Variants in DEPTOR observed in about 807,000 individuals in gnomAD.
DEPTOR encodes DEP domain containing MTOR interacting protein.
In DEPTOR, 41 loss-of-function variants were observed where a neutral mutation model predicts 41.6. That is an observed-to-expected ratio of 0.98 (90% CI 0.77 to 1.28). The LOEUF (loss-of-function observed/expected upper bound fraction) is 1.28, where lower values mean the gene tolerates loss of function less well. Ranked by LOEUF, DEPTOR falls within the 50% of genes most tolerant of loss-of-function variation. The pLI is 0.00. For synonymous variants in DEPTOR, 195 were observed against 192.3 expected (o/e 1.01, Z -0.12); for missense variants, 514 against 527.9 (o/e 0.97, Z 0.26).
At chr8:119,983,277 G>A (rs1467641179) in intron 4 of DEPTOR, among the ~76,000 whole-genome samples, 2 of 151,132 alleles carry the variant, frequency 1.3e-5, no homozygotes, top group African/African-American at 4.9e-5. Context: ...TTGAGATGGA[G>A]TCTTTCTGTG....
At chr8:119,896,712 G>A (rs1827524806) in intron 1 of DEPTOR, among the ~76,000 whole-genome samples, 1 of 152,028 alleles carries the variant, frequency 6.6e-6, no homozygotes, top group Admixed American at 6.6e-5. Flanking sequence ...TGGCCAGGCT[G>A]GTCTCAAACT....
At chr8:119,878,326 T>G (rs372484726) in intron 1 of DEPTOR, among the ~76,000 whole-genome samples, 2,762 of 150,964 alleles carry the variant, frequency 0.018, 86 homozygotes, top group African/African-American at 0.062. Context: ...CTGACACTTT[T>G]TTTTTTTTTT....
intron 3 of DEPTOR, among the ~76,000 whole-genome samples, chr8:119,953,801 C>CTTTTTTTTTTTT (rs35043841): frequency 3.3e-5 from 4 of 119,678 alleles, no homozygotes; most frequent in Non-Finnish European, 5.1e-5. Flanking sequence ...CAGATAGCTT[C>CTTTTTTTTTTTT]TTTTTTTTTT....
At chr8:119,952,731 A>G (rs113216471) in intron 3 of DEPTOR, among the ~76,000 whole-genome samples, 4 of 152,308 alleles carry the variant, frequency 2.6e-5, no homozygotes, top group African/African-American at 9.6e-5. Flanking sequence ...AGCTTCATCC[A>G]TGTCCCTGCA....
At chr8:119,923,835 C>T (rs145649063) in intron 1 of DEPTOR, among the ~76,000 whole-genome samples, 201 of 150,294 alleles carry the variant, frequency 1.3e-3, no homozygotes, top group African/African-American at 4.6e-3. Flanking sequence ...TTCTTCTTAT[C>T]TACTGAATGC....
At chr8:119,917,692 C>T (rs1827831719) in intron 1 of DEPTOR, among the ~76,000 whole-genome samples, 1 of 152,170 alleles carries the variant, frequency 6.6e-6, no homozygotes, top group Non-Finnish European at 1.5e-5. Context: ...AAGACCTGAC[C>T]TTTCCCCAGC....
intron 1 of DEPTOR, among the ~76,000 whole-genome samples, chr8:119,889,673 G>GGGGAGGGGAGGGGAA (rs1827426263): frequency 9.0e-6 from 1 of 111,112 alleles, no homozygotes; most frequent in Admixed American, 9.5e-5. Context: ...GGGGAGGGGA[G>GGGGAGGGGAGGGGAA]AGGAGGGGAG....
At chr8:119,933,151 C>A (rs1042075512) in intron 3 of DEPTOR, among the ~76,000 whole-genome samples, 2 of 152,082 alleles carry the variant, frequency 1.3e-5, no homozygotes, top group African/African-American at 4.8e-5. Context: ...GCCGCTCTCA[C>A]CCCTTTCCCT....
intron 1 of DEPTOR, among the ~76,000 whole-genome samples, chr8:119,922,969 G>T (rs1827915313): frequency 6.6e-6 from 1 of 152,108 alleles, no homozygotes; most frequent in South Asian, 2.1e-4. Context: ...GGAAGAGTTG[G>T]TGGGTCTGCA....
chr8:119,972,121 G>T (rs186758338), intron 4 of DEPTOR, among the ~76,000 whole-genome samples: 1 of 152,298 alleles, frequency 6.6e-6, no homozygotes, highest in African/African-American at 2.4e-5. Context: ...TTAAGTGATT[G>T]CACTTGGCAA....
rs763918963 is a variant in DEPTOR at position 119,975,135 on chromosome 8, TA to T, written c.604+9740del. On this transcript the variant is annotated intron_variant, in intron 4 of 8. Coordinates refer to ENST00000286234, the MANE Select transcript of DEPTOR (RefSeq NM_022783.4). ...GGGCAACATAGCAAAATCCCATCTCTAAAAAAAAAAAAAAATTTTTTTAAAA... is the reference window on the plus strand; with the variant it reads ...GGGCAACATAGCAAAATCCCATCTCTAAAAAAAAAAAAAATTTTTTTAAAA... Among the ~76,000 whole-genome samples the T allele has an allele frequency of 3.8e-3, 532 of 138,678 alleles. 2 individuals are homozygous for T. Among genetic ancestry groups the T allele is most frequent in the Admixed American group, 0.011 (153 of 13,706 alleles). 91.0% of individuals were successfully genotyped at this position (138,678 alleles called of 152,430 possible).
chr8:120,000,976 C>T (rs1812339050), intron 4 of DEPTOR, among the ~76,000 whole-genome samples: 1 of 151,770 alleles, frequency 6.6e-6, no homozygotes, highest in Non-Finnish European at 1.5e-5. Context: ...ACTCGGGAGG[C>T]TGAGACAGGA....
intron 8 of DEPTOR, among the ~76,000 whole-genome samples, chr8:120,020,740 A>G (rs192339919): frequency 6.6e-6 from 1 of 152,196 alleles, no homozygotes; most frequent in African/African-American, 2.4e-5. Context: ...ACTTAAACTA[A>G]TCTAAGCCTC....
At chr8:119,991,460 C>T (rs567794037) in intron 4 of DEPTOR, among the ~76,000 whole-genome samples, 88 of 152,150 alleles carry the variant, frequency 5.8e-4, no homozygotes, top group African/African-American at 2.1e-3. Flanking sequence ...GGATTACAGG[C>T]GTGTGCCACC....
intron 8 of DEPTOR, among the ~76,000 whole-genome samples, chr8:120,019,125 C>T (rs938242310): frequency 2.0e-5 from 3 of 151,908 alleles, no homozygotes; most frequent in African/African-American, 7.3e-5. Flanking sequence ...GCCAACATGG[C>T]GAAACCCCGT....
At chr8:120,021,154 G>C (rs568443425) in intron 8 of DEPTOR, among the ~76,000 whole-genome samples, 104 of 151,588 alleles carry the variant, frequency 6.9e-4, no homozygotes, top group African/African-American at 2.4e-3. Context: ...CATAATCCTA[G>C]CACTTTGGGA....
At chr8:119,969,089 C>T (rs1828599988) in intron 4 of DEPTOR, among the ~76,000 whole-genome samples, 1 of 148,658 alleles carries the variant, frequency 6.7e-6, no homozygotes, top group Admixed American at 6.7e-5. Flanking sequence ...AGCAAGACTC[C>T]ATCTCAAAAA....
At chr8:119,910,491 C>G (rs941796992) in intron 1 of DEPTOR, among the ~76,000 whole-genome samples, 1 of 151,844 alleles carries the variant, frequency 6.6e-6, no homozygotes, top group Non-Finnish European at 1.5e-5. Context: ...CCCGCTCTGT[C>G]CCCCAGGCTG....
At chr8:119,892,846 G>T (rs569730738) in intron 1 of DEPTOR, among the ~76,000 whole-genome samples, 1 of 151,178 alleles carries the variant, frequency 6.6e-6, no homozygotes, top group Non-Finnish European at 1.5e-5. Flanking sequence ...GCAGTGGCAC[G>T]ATCTTGGCTC....
Sources: gnomAD v4.1 joint callset for allele counts (sites outside exome capture counted in the v4.1 genomes callset) on GRCh38, gnomAD v4.1.1 for gene constraint, MANE v1.5 for transcripts, NCBI Gene and HGNC (gene_info 2026-07-23, HGNC 2026-07-21) for gene names.